Variants in MLXIPL observed in about 807,000 individuals in gnomAD.
MLXIPL encodes carbohydrate-responsive element-binding protein.
Under a neutral mutation model 81.5 loss-of-function variants are expected in MLXIPL, and 49 were observed. That is an observed-to-expected ratio of 0.60 (90% confidence interval 0.48 to 0.76). MLXIPL has a LOEUF of 0.76. MLXIPL is among the 30% of genes least tolerant of loss of function. The pLI is 0.00. For synonymous variants in MLXIPL, 466 were observed against 485.5 expected, an observed-to-expected ratio of 0.96 and a Z score of 0.53; for missense variants, 1,053 against 1,167.0, an observed-to-expected ratio of 0.90 and a Z score of 1.42.
chr7:73,606,912 G>T lies in MLXIPL; in HGVS notation c.618+62C>A, dbSNP rs375748033. On this transcript the variant is annotated intron_variant, in intron 5 of 16. Transcript: ENST00000313375. Reference sequence around the variant, plus strand: ...CACTGAGGCGGAAACTGTCAACTCTGCCTCCCATCTACTTGGGGGGCAAAG... The same window carrying T: ...CACTGAGGCGGAAACTGTCAACTCTTCCTCCCATCTACTTGGGGGGCAAAG... The T allele has an allele frequency of 1.8e-3, 2,893 of 1,573,420 alleles. 8 individuals are homozygous for T. Among genetic ancestry groups the T allele is most frequent in the South Asian group, 2.5e-3 (224 of 87,908 alleles).
At chr7:73,624,096 G>T in intron 1 of MLXIPL, 104 bp downstream of exon 1, 1 of 1,408,120 alleles carries the variant, frequency 7.1e-7, no homozygotes. Flanking sequence ...CGCAGGACCG[G>T]GCTCGGGTGG....
chr7:73,624,780 G>A (rs1257843701), upstream of MLXIPL, among the ~76,000 whole-genome samples: 1 of 152,160 alleles, frequency 6.6e-6, no homozygotes, highest in Admixed American at 6.5e-5. Flanking sequence ...GGTCAGGCCG[G>A]ACGCCAGGGG....
chr7:73,597,550 G>T lies in MLXIPL; in HGVS notation c.1235C>A (p.Pro412Gln). Residue 412 changes from proline to glutamine, a missense_variant, in exon 9 of 17, where the codon CCA becomes CAA. Physicochemically the swap from Pro to Gln is moderately conservative, Grantham distance 76 (BLOSUM62 -1). Around this residue, in one of 3 missense-constraint regions of MLXIPL, gnomAD observed 823 missense variants for 933.0 expected, o/e 0.88. Transcript: ENST00000313375. ...AKVPGLEPCP[P>Q]PPFPPMAPPT... ...TGGTGCCATGGGAGGGAAGGGAGGT[G>T]GGGGGCAGGGCTCCAGGCCTGGCAC... 5.1e-6 allele frequency: 7 copies of T among 1,366,334 alleles called. No homozygotes were observed. Among genetic ancestry groups the T allele is most frequent in the Non-Finnish European group, 6.6e-6 (7 of 1,057,396 alleles). 84.6% of individuals were successfully genotyped at this position (1,366,334 alleles called of 1,614,324 possible).
chr7:73,608,318 G>C (rs964730926), intron 2 of MLXIPL, among the ~76,000 whole-genome samples: 1 of 151,966 alleles, frequency 6.6e-6, no homozygotes. Context: ...GGCTGGGTGC[G>C]GTGGCTCACA....
intron 2 of MLXIPL, among the ~76,000 whole-genome samples, chr7:73,614,516 GA>G (rs1477107448): frequency 6.6e-6 from 1 of 152,166 alleles, no homozygotes; most frequent in East Asian, 1.9e-4. Flanking sequence ...CGAGGACAGA[GA>G]ATACTGCGTG....
At chr7:73,607,544 GGGTGGGCA>G (rs781958843) in intron 3 of MLXIPL, 38 bp downstream of exon 3, 109 of 1,597,884 alleles carry the variant, frequency 6.8e-5, no homozygotes, top group East Asian at 1.6e-4. Context: ...TGGTCTTGGT[GGGTGGGCA>G]GGTGGGCAGG....
chr7:73,620,314 G>A (rs1796260484), intron 1 of MLXIPL, among the ~76,000 whole-genome samples: 1 of 151,812 alleles, frequency 6.6e-6, no homozygotes, highest in African/African-American at 2.4e-5. Context: ...TGAGGCAGGA[G>A]AATCGCTTGA....
rs781924579 is a variant in MLXIPL at position 73,605,638 on chromosome 7, C to T, written c.901+50G>A. The T allele has an allele frequency of 1.9e-5, 31 of 1,591,396 alleles. No individual in the cohort carries two copies. In the South Asian group the frequency reaches 2.2e-4, roughly 11 times the overall value. ...GCCTGGGATGGGCTCATCGGCCTTC[C>T]TCACACAGACCCTGCCCGTCCACCC... is the stretch of plus-strand genomic sequence containing the variant. On this transcript the variant is annotated intron_variant, in intron 7 of 16. Coordinates refer to ENST00000313375, the MANE Select transcript of MLXIPL (RefSeq NM_032951.3).
Position 73,624,142 on chromosome 7 carries a change from ACC to A in MLXIPL, c.293+56_293+57del, listed in dbSNP as rs370239468. On this transcript the variant is annotated intron_variant, in intron 1 of 16. Transcript: ENST00000313375. Reference sequence around the variant, plus strand: ...GCCCCAGCGCGCAGTCCTGCCCCGGACCCCCCCCCCATCCCCACCTGGAAGCC... The same window carrying A: ...GCCCCAGCGCGCAGTCCTGCCCCGGACCCCCCCCATCCCCACCTGGAAGCC... 6.1e-3 allele frequency: 4,937 copies of A among 805,878 alleles called. 228 individuals are homozygous for A. In the African/African-American group the frequency reaches 0.098, roughly 16 times the overall value. The allele number at this position is 805,878 out of a possible 1,614,324, so 49.9% of individuals were successfully genotyped here.
the MLXIPL span, among the ~76,000 whole-genome samples, chr7:73,634,772 T>C: frequency 2.0e-5 from 3 of 147,198 alleles, no homozygotes; most frequent in African/African-American, 5.0e-5. Context: ...TTGCAAGAAG[T>C]ACACTTTTAT....
chr7:73,596,835 A>T lies in MLXIPL; in HGVS notation c.1671+30T>A. 1 of 1,608,962 alleles carries T rather than the reference A, an allele frequency of 6.2e-7. No homozygotes were observed. Among genetic ancestry groups the T allele is most frequent in the South Asian group, 1.1e-5 (1 of 89,972 alleles). ...GAGTCGGGTTGAAGGCCGTGGGCAC[A>T]GCCCCACCGCCCAGTGCCCGAGATC... On this transcript the variant is annotated intron_variant, in intron 10 of 16. Coordinates refer to ENST00000313375, the MANE Select transcript of MLXIPL (RefSeq NM_032951.3). This position sits in a 1 kb window ranked among gnomAD's most constrained non-coding sequence, Gnocchi z 4.7.
At chr7:73,595,798 C>A (rs782059998) in intron 14 of MLXIPL, 38 bp from the exon 15 acceptor site, 9 of 1,580,152 alleles carry the variant, frequency 5.7e-6, no homozygotes, top group Non-Finnish European at 7.7e-6. Flanking sequence ...GGGGGTAAGG[C>A]GGCATGGCCC....
rs1554593889 is a variant in MLXIPL, at chr7:73,596,422, C to A, written c.1880G>T (p.Ser627Ile). 2 of 1,612,762 alleles carry A rather than the reference C, an allele frequency of 1.2e-6. No individual in the cohort carries two copies. The highest frequency in any genetic ancestry group is 1.7e-6 in the Non-Finnish European group (2 of 1,179,978). Residue 627 changes from serine (S) to isoleucine (I), a missense_variant, in exon 12 of 17, where the codon AGC becomes ATC. By Grantham distance (142) the Ser-to-Ile change is moderately radical. Coordinates refer to ENST00000313375, the MANE Select transcript of MLXIPL (RefSeq NM_032951.3). This position sits in a 1 kb window ranked among gnomAD's most constrained non-coding sequence, Gnocchi z 4.7. ...LSSMPGPGTLSVRVSPPQPIL... is the reference protein window; with the variant it reads ...LSSMPGPGTLIVRVSPPQPIL... ...GGGTTGCGGGGGAGAGACACGGACG[C>A]TCAGAGTCCCAGGGCCTGGCATGGA...
intron 2 of MLXIPL, among the ~76,000 whole-genome samples, chr7:73,614,573 T>A (rs1795888838): frequency 6.6e-6 from 1 of 152,132 alleles, no homozygotes; most frequent in South Asian, 2.1e-4. Context: ...CAGCCTTTGA[T>A]CCTGCAGCAG....
chr7:73,607,157 C>A (rs954553454), intron 4 of MLXIPL, 139 bp from the exon 5 acceptor site: 1 of 1,282,280 alleles, frequency 7.8e-7, no homozygotes, highest in South Asian at 1.3e-5. Flanking sequence ...GTAAGGAGGC[C>A]GCTAGGAGAC....
At chr7:73,598,796 T>A (rs1005581731) in intron 8 of MLXIPL, among the ~76,000 whole-genome samples, 1 of 151,972 alleles carries the variant, frequency 6.6e-6, no homozygotes, top group African/African-American at 2.4e-5. Context: ...GGAAAAGGCC[T>A]ATAACCAAGC....
chr7:73,633,576 C>T, the MLXIPL span, among the ~76,000 whole-genome samples: 9 of 152,044 alleles, frequency 5.9e-5, no homozygotes, highest in Middle Eastern at 3.2e-3. Flanking sequence ...GCCTTGACCT[C>T]GCGAAGTACT....
chr7:73,636,421 A>AG, the MLXIPL span, among the ~76,000 whole-genome samples: 4 of 151,880 alleles, frequency 2.6e-5, no homozygotes, highest in African/African-American at 9.7e-5. Context: ...AAAAAAAAAA[A>AG]AAAGACGAAG....
Position 73,607,418 on chromosome 7 carries a change from G to T in MLXIPL, c.486C>A (p.Ala162=), listed in dbSNP as rs782547072. The change falls in exon 4 of 17, where the codon GCC becomes GCA. Residue 162 remains alanine, a splice_region_variant and synonymous_variant. Transcript: ENST00000313375. ...TCCAGTAGTTCCCCTCCAGGACCAC[G>T]GCCTGGGGTAGGGGCCGGGGGAGGG... ...PEADAHRKPE[A]VVLEGNYWKR... The T allele has an allele frequency of 2.6e-6, 4 of 1,556,170 alleles. No homozygotes were observed. Among genetic ancestry groups the T allele is most frequent in the South Asian group, 2.4e-5 (2 of 84,522 alleles).
Sources: gnomAD v4.1 joint callset for allele counts (sites outside exome capture counted in the v4.1 genomes callset) on GRCh38, gnomAD v4.1.1 for gene constraint, gnomAD v4.1.1 regional missense constraint, Gnocchi (gnomAD v3.1) non-coding constraint, MANE v1.5 for transcripts, NCBI Gene and HGNC (gene_info 2026-07-23, HGNC 2026-07-21) for gene names.